FGF13: variants seen among roughly 807,000 people sequenced by gnomAD.
FGF13 encodes the protein fibroblast growth factor 13.
Under a neutral mutation model 19.5 loss-of-function variants are expected in FGF13, and 2 were observed. The ratio of observed to expected loss-of-function variants is 0.10; its 90% CI spans 0.04 to 0.32. The LOEUF is 0.32. Ranked by LOEUF, FGF13 falls within the 10% of genes least tolerant of loss-of-function variation. The pLI is 1.00. For missense variants in FGF13, 113 were observed against 192.7 expected (o/e 0.59, Z 2.45); for synonymous variants, 72 against 76.9 (o/e 0.94, Z 0.33).
In FGF13 at chrX:139,072,009, C is replaced by CAAAAA. The variant is rs547217409; in HGVS notation, c.-113+131402_-113+131406dup. ...CCAGCCACAGAGCGAGATTCCATCT[C>CAAAAA]AAAAAAAAAAAAAAAAAAAAAAGCC... On this transcript the variant is annotated intron_variant, in intron 1 of 2. Transcript: ENST00000421460. 4.9e-3 allele frequency among the ~76,000 whole-genome samples: 122 copies of CAAAAA among 24,830 alleles called. 11 individuals are homozygous for CAAAAA. Among genetic ancestry groups the CAAAAA allele is most frequent in the African/African-American group, 0.019 (111 of 5,972 alleles). The allele number at this position is 24,830 out of a possible 115,157, so 21.6% of individuals were successfully genotyped here. A position where few individuals can be genotyped will look rare whatever the true frequency, so the allele number is the denominator to read the frequency against.
At position 138,631,924 on chromosome X, in the gene FGF13, G is replaced by A. The variant is rs1219637582; in HGVS notation, c.*926C>T. 4 of 111,775 alleles carry A rather than the reference G, an allele frequency of 3.6e-5. No homozygotes were observed. The highest frequency in any genetic ancestry group is 7.5e-5 in the Non-Finnish European group (4 of 53,111). The allele number at this position is 111,775 out of a possible 1,213,427, so 9.2% of individuals were successfully genotyped here. A position where few individuals can be genotyped will look rare whatever the true frequency, so the allele number is the denominator to read the frequency against. On this transcript the variant is annotated 3_prime_UTR_variant, in exon 5 of 5. Coordinates refer to ENST00000315930, the MANE Select transcript of FGF13 (RefSeq NM_004114.5). ...ATTCATGTGCCAAATACAATGACAG[G>A]AAGACTCATACATATACAGATAAGA...
At chrX:139,102,946 G>A (rs1348985123) in intron 1 of FGF13, among the ~76,000 whole-genome samples, 1 of 112,664 alleles carries the variant, frequency 8.9e-6, no homozygotes, top group African/African-American at 3.2e-5. Flanking sequence ...GAAGAATGAT[G>A]CCTAGATCCA....
At chrX:138,840,493 A>G (rs1192854660) in intron 3 of FGF13, among the ~76,000 whole-genome samples, 1 of 112,082 alleles carries the variant, frequency 8.9e-6, no homozygotes, top group Non-Finnish European at 1.9e-5. Flanking sequence ...CTGCCACTGT[A>G]TACTTCTCTA....
chrX:139,022,528 C>G (rs1569443072), intron 1 of FGF13, among the ~76,000 whole-genome samples: 1 of 111,623 alleles, frequency 9.0e-6, no homozygotes, highest in Non-Finnish European at 1.9e-5. Context: ...CTTTATCCAA[C>G]CCAGTTTTTA....
chrX:138,807,761 A>C (rs1307553687), intron 3 of FGF13, among the ~76,000 whole-genome samples: 4 of 111,630 alleles, frequency 3.6e-5, no homozygotes, highest in Non-Finnish European at 7.5e-5. Flanking sequence ...CTACCAATGA[A>C]ATAGAAAACA....
At chrX:139,055,931 A>G (rs2035980452) in intron 1 of FGF13, among the ~76,000 whole-genome samples, 1 of 112,884 alleles carries the variant, frequency 8.9e-6, no homozygotes, top group Non-Finnish European at 1.9e-5. Context: ...ATACCAAGTT[A>G]GTATGAGTTT....
intron 3 of FGF13, among the ~76,000 whole-genome samples, chrX:138,837,697 T>C (rs1336265762): frequency 8.9e-6 from 1 of 111,777 alleles, no homozygotes; most frequent in Non-Finnish European, 1.9e-5. Context: ...GGGACCTGCT[T>C]AAAGAAGAAG....
At chrX:138,751,397 G>A (rs1395230827) in intron 3 of FGF13, among the ~76,000 whole-genome samples, 2 of 111,209 alleles carry the variant, frequency 1.8e-5, no homozygotes, top group Non-Finnish European at 3.8e-5. Context: ...GCATAGGCAG[G>A]TTCTGATGAG....
At chrX:138,803,099 C>A (rs765442850) in intron 3 of FGF13, among the ~76,000 whole-genome samples, 19 of 111,793 alleles carry the variant, frequency 1.7e-4, no homozygotes, top group African/African-American at 6.2e-4. Flanking sequence ...CTGCATTTCT[C>A]CAACTCTAAT....
intron 1 of FGF13, among the ~76,000 whole-genome samples, chrX:138,910,683 A>G (rs989469685): frequency 2.7e-5 from 3 of 112,340 alleles, no homozygotes; most frequent in African/African-American, 9.7e-5. Context: ...GTGAGCATCT[A>G]CCATCCCTCC....
At chrX:138,947,965 C>G (rs1433595105) in intron 1 of FGF13, among the ~76,000 whole-genome samples, 1 of 111,507 alleles carries the variant, frequency 9.0e-6, no homozygotes, top group Non-Finnish European at 1.9e-5. Context: ...AGAAGTCAAG[C>G]CGGCCATCTA....
intron 1 of FGF13, among the ~76,000 whole-genome samples, chrX:138,992,458 T>C (rs945078987): frequency 5.4e-5 from 6 of 111,538 alleles, no homozygotes; most frequent in Non-Finnish European, 1.1e-4. Flanking sequence ...CCATATTTTC[T>C]TCTAGCATTT....
chrX:138,692,470 A>T (rs951328967), intron 3 of FGF13, among the ~76,000 whole-genome samples: 2 of 109,121 alleles, frequency 1.8e-5, no homozygotes, highest in African/African-American at 6.7e-5. Context: ...CTTCACCAAG[A>T]CATGAGAATC....
chrX:139,121,168 G>C (rs1295440843), intron 1 of FGF13, among the ~76,000 whole-genome samples: 2 of 111,844 alleles, frequency 1.8e-5, no homozygotes, highest in African/African-American at 6.5e-5. Flanking sequence ...TTCCTCAATA[G>C]AGCTTGTCAC....
chrX:138,962,727 G>C (rs937056911), intron 1 of FGF13, among the ~76,000 whole-genome samples: 4 of 111,653 alleles, frequency 3.6e-5, no homozygotes, highest in South Asian at 7.5e-4. Context: ...CCATCATTCT[G>C]AGCAAACTAT....
At chrX:138,743,111 A>T (rs188332712), upstream of FGF13, among the ~76,000 whole-genome samples, 10 of 112,166 alleles carry the variant, frequency 8.9e-5, no homozygotes, top group East Asian at 2.8e-3. Flanking sequence ...TAGCAGCTTT[A>T]TTCATAGTTG....
chrX:138,876,242 G>C (rs936303988), intron 1 of FGF13, among the ~76,000 whole-genome samples: 1 of 112,461 alleles, frequency 8.9e-6, no homozygotes, highest in African/African-American at 3.2e-5. Context: ...ACCCTAGAAT[G>C]ATGCCCAATG....
chrX:138,788,361 G>A (rs1011779644), intron 3 of FGF13, among the ~76,000 whole-genome samples: 49 of 112,224 alleles, frequency 4.4e-4, no homozygotes, highest in African/African-American at 1.3e-3. Context: ...TGGAGGTCTC[G>A]TCTCCTGAAC....
chrX:138,683,301 T>C (rs1454349115), intron 3 of FGF13, among the ~76,000 whole-genome samples: 1 of 110,584 alleles, frequency 9.0e-6, no homozygotes, highest in Non-Finnish European at 1.9e-5. Context: ...AGATGGGGAT[T>C]ATCGGTCAGG....
Sources: allele counts gnomAD v4.1 joint callset (sites outside exome capture counted in the v4.1 genomes callset), GRCh38; gene constraint gnomAD v4.1.1; transcripts MANE v1.5; gene names NCBI Gene and HGNC (gene_info 2026-07-23, HGNC 2026-07-21).